SIL1: variants seen among roughly 807,000 people sequenced by gnomAD.
SIL1 encodes the protein SIL1 nucleotide exchange factor.
SIL1 carries 40 observed loss-of-function variants against 49.1 expected under a neutral mutation model. That is an observed-to-expected ratio of 0.81 (90% CI 0.63 to 1.06). The LOEUF (loss-of-function observed/expected upper bound fraction) is 1.06. Ranked by LOEUF, SIL1 falls within the 50% of genes least tolerant of loss-of-function variation. SIL1 has a pLI of 0.00. For synonymous variants in SIL1, 253 were observed against 250.8 expected (o/e 1.01, Z -0.08); for missense variants, 500 against 572.6 (o/e 0.87, Z 1.29).
chr5:139,177,308 C>T (rs1186211896), intron 1 of SIL1, among the ~76,000 whole-genome samples: 2 of 151,882 alleles, frequency 1.3e-5, no homozygotes, highest in African/African-American at 2.4e-5. Flanking sequence ...GGCACCATCT[C>T]GGCTCACTGC....
chr5:139,152,138 G>C (rs934363524), intron 1 of SIL1, among the ~76,000 whole-genome samples: 2 of 152,180 alleles, frequency 1.3e-5, no homozygotes, highest in African/African-American at 4.8e-5. Flanking sequence ...GCCTTGGGCC[G>C]TGCGTCTAAG....
chr5:139,015,670 A>C (rs1768381986), intron 7 of SIL1, among the ~76,000 whole-genome samples: 1 of 152,224 alleles, frequency 6.6e-6, no homozygotes, highest in African/African-American at 2.4e-5. Flanking sequence ...CAGTCAAGGC[A>C]GGAAGAAGTG....
intron 7 of SIL1, among the ~76,000 whole-genome samples, chr5:138,997,515 T>A (rs916042518): frequency 2.0e-5 from 3 of 152,196 alleles, no homozygotes; most frequent in Non-Finnish European, 2.9e-5. Context: ...TTTGTTGGTT[T>A]GTTTGTTTTG....
At chr5:139,181,108 G>A (rs1453654122) in intron 1 of SIL1, among the ~76,000 whole-genome samples, 1 of 151,944 alleles carries the variant, frequency 6.6e-6, no homozygotes, top group Non-Finnish European at 1.5e-5. Flanking sequence ...CTTTTTTTCT[G>A]CACTTGACAT....
intron 7 of SIL1, among the ~76,000 whole-genome samples, chr5:139,002,519 T>A (rs778149147): frequency 3.3e-5 from 5 of 152,164 alleles, no homozygotes; most frequent in Non-Finnish European, 7.4e-5. Context: ...GAAATAAGCA[T>A]CCATTTTCTC....
intron 3 of SIL1, among the ~76,000 whole-genome samples, chr5:139,119,390 C>T (rs868768450): frequency 6.6e-6 from 1 of 152,190 alleles, no homozygotes; most frequent in African/African-American, 2.4e-5. Context: ...CTGACTCAAC[C>T]ACAGAAACAG....
chr5:138,990,950 A>C (rs1767743671), intron 7 of SIL1, among the ~76,000 whole-genome samples: 1 of 152,236 alleles, frequency 6.6e-6, no homozygotes, highest in Admixed American at 6.5e-5. Flanking sequence ...TCCCAGCCTC[A>C]GGTGATCCGC....
chr5:139,058,254 TGG>T (rs775787035), intron 3 of SIL1, among the ~76,000 whole-genome samples: 127 of 151,784 alleles, frequency 8.4e-4, no homozygotes, highest in Non-Finnish European at 1.5e-3. Flanking sequence ...TCAGGGGCTG[TGG>T]GAAGGAAGGA....
chr5:139,132,647 A>AG (rs1257050606), intron 1 of SIL1, among the ~76,000 whole-genome samples: 1 of 152,178 alleles, frequency 6.6e-6, no homozygotes, highest in African/African-American at 2.4e-5. Context: ...CAGGCTTCAC[A>AG]GGGGCATCCA....
At position 139,122,726 on chromosome 5, in the gene SIL1, A is replaced by G. The variant is rs1041615484; in HGVS notation, c.106-1553T>C. On this transcript the variant is annotated intron_variant, in intron 2 of 9. Transcript: ENST00000394817. ...GTGATGCCAATGTAGAGCCCCTCCA[A>G]GAATTTTTACATTTTAACAAGAAAT... Among the ~76,000 whole-genome samples, 4 of 152,316 alleles carry G rather than the reference A, an allele frequency of 2.6e-5. No homozygotes were observed. In the East Asian group the frequency reaches 7.7e-4, roughly 29 times the overall value.
At chr5:139,143,336 C>CATAT (rs1462318169) in intron 1 of SIL1, among the ~76,000 whole-genome samples, 2 of 80,480 alleles carry the variant, frequency 2.5e-5, no homozygotes, top group African/African-American at 1.2e-4. Flanking sequence ...CACACACACA[C>CATAT]ACACACACAT....
intron 7 of SIL1, among the ~76,000 whole-genome samples, chr5:138,966,146 T>C (rs750886002): frequency 2.0e-5 from 3 of 152,106 alleles, no homozygotes; most frequent in Non-Finnish European, 4.4e-5. Context: ...ACAAGTTCAA[T>C]ATTGCTAGCA....
chr5:138,997,761 G>A (rs374117252), intron 7 of SIL1, among the ~76,000 whole-genome samples: 13 of 152,278 alleles, frequency 8.5e-5, no homozygotes, highest in Admixed American at 2.6e-4. Context: ...GTTTCACCAC[G>A]TTGGTCAGAC....
chr5:139,164,393 C>T (rs958099642), intron 1 of SIL1, among the ~76,000 whole-genome samples: 1 of 152,006 alleles, frequency 6.6e-6, no homozygotes, highest in South Asian at 2.1e-4. Context: ...TTGAAGGAGC[C>T]GCTCACCTTC....
At chr5:139,045,376 C>T (rs1416359948) in intron 4 of SIL1, among the ~76,000 whole-genome samples, 4 of 152,010 alleles carry the variant, frequency 2.6e-5, no homozygotes, top group African/African-American at 9.7e-5. Context: ...AAAAAAACCT[C>T]CTTTCCTGGC....
intron 7 of SIL1, among the ~76,000 whole-genome samples, chr5:139,009,027 C>G (rs1266181219): frequency 6.6e-6 from 1 of 150,568 alleles, no homozygotes; most frequent in Non-Finnish European, 1.5e-5. Flanking sequence ...TGTTGACTTT[C>G]TGTCTCGTTG....
chr5:139,088,926 C>T (rs1427381799), intron 3 of SIL1, among the ~76,000 whole-genome samples: 2 of 152,210 alleles, frequency 1.3e-5, no homozygotes, highest in Non-Finnish European at 2.9e-5. Context: ...CTTCCTCCCC[C>T]TTCCTTTTGT....
chr5:139,100,628 G>C (rs1770565785), intron 3 of SIL1, among the ~76,000 whole-genome samples: 1 of 152,208 alleles, frequency 6.6e-6, no homozygotes. Context: ...CCAGGTGAGA[G>C]ATCATGGTGA....
intron 3 of SIL1, among the ~76,000 whole-genome samples, chr5:139,102,022 A>G (rs1179987022): frequency 2.0e-5 from 3 of 152,226 alleles, no homozygotes; most frequent in Non-Finnish European, 4.4e-5. Flanking sequence ...AGAATCAGAA[A>G]AGACACGCAC....
Sources: gnomAD v4.1 joint callset for allele counts (sites outside exome capture counted in the v4.1 genomes callset) on GRCh38, gnomAD v4.1.1 for gene constraint, MANE v1.5 for transcripts, NCBI Gene and HGNC (gene_info 2026-07-23, HGNC 2026-07-21) for gene names.